GPC4: variants seen among roughly 807,000 people sequenced by gnomAD.
The protein encoded by GPC4 is glypican 4, also known as glypican-4.
GPC4 carries 10 observed loss-of-function variants against 35.0 expected under a neutral mutation model. The observed-to-expected ratio is 0.29, with a 90% CI of 0.18 to 0.48. The LOEUF (loss-of-function observed/expected upper bound fraction) is 0.48, where lower values mean the gene tolerates loss of function less well. Among genes scored for constraint, GPC4 ranks in the 20% least tolerant of loss-of-function variants. The pLI is 0.99. For synonymous variants in GPC4, 167 were observed against 170.2 expected (o/e 0.98, Z 0.15); for missense variants, 322 against 451.3 (o/e 0.71, Z 2.60).
intron 1 of GPC4, among the ~76,000 whole-genome samples, chrX:133,368,983 A>G (rs2068601308): frequency 9.0e-6 from 1 of 111,425 alleles, no homozygotes; most frequent in Admixed American, 9.6e-5. Context: ...TGGTTTCTTA[A>G]TTTTGTTCGC....
At chrX:133,349,229 A>G (rs1249532565) in intron 1 of GPC4, among the ~76,000 whole-genome samples, 1 of 112,104 alleles carries the variant, frequency 8.9e-6, no homozygotes, top group Non-Finnish European at 1.9e-5. Context: ...TGACTGCCCC[A>G]GTGGGCAGTC....
intron 1 of GPC4, among the ~76,000 whole-genome samples, chrX:133,375,472 C>A (rs1345424695): frequency 8.9e-6 from 1 of 112,072 alleles, no homozygotes; most frequent in Non-Finnish European, 1.9e-5. Context: ...AAGGTAAAAA[C>A]CATCAAAACT....
At chrX:133,329,734 A>T (rs1393952230) in intron 2 of GPC4, among the ~76,000 whole-genome samples, 1 of 111,793 alleles carries the variant, frequency 8.9e-6, no homozygotes, top group Non-Finnish European at 1.9e-5. Context: ...CTTTGCCAGA[A>T]GTCCACTTGG....
chrX:133,341,705 C>A (rs2068467535), intron 1 of GPC4, among the ~76,000 whole-genome samples: 1 of 111,067 alleles, frequency 9.0e-6, no homozygotes, highest in Non-Finnish European at 1.9e-5. Context: ...TGCGTACACA[C>A]ACACATACAC....
chrX:133,414,557 A>C lies in GPC4; in HGVS notation c.160+249T>G, dbSNP rs2068829336. On this transcript the variant is annotated intron_variant, in intron 1 of 8. Coordinates refer to ENST00000370828, the MANE Select transcript of GPC4 (RefSeq NM_001448.3). ...GCGGGGAGCGGAGCGCGACAGTCGC[A>C]CTGGGCAACCCGGCGGCGCCCCTCC... The C allele has an allele frequency of 4.0e-6, 3 of 753,507 alleles. No homozygotes were observed. The African/African-American group carries it at 6.9e-5, about 17-fold the overall frequency. 62.1% of individuals were successfully genotyped at this position (753,507 alleles called of 1,213,427 possible).
At chrX:133,327,636 AGTGTGTGTGTGTGTGTGTGTGTGT>A (rs557359106) in intron 2 of GPC4, among the ~76,000 whole-genome samples, 2 of 83,283 alleles carry the variant, frequency 2.4e-5, no homozygotes, top group Non-Finnish European at 4.7e-5. Context: ...TGTCCAGGAA[AGTGTGTGTGTGTGTGTGTGTGTGT>A]GTGTGTGTGT....
chrX:133,404,465 T>A (rs1489195575), intron 1 of GPC4, among the ~76,000 whole-genome samples: 1 of 100,664 alleles, frequency 9.9e-6, no homozygotes, highest in Admixed American at 1.1e-4. Context: ...AAGAATCGCT[T>A]GAACCCGGGA....
intron 6 of GPC4, 34 bp from the exon 7 acceptor site, chrX:133,304,895 ATTG>A: frequency 8.4e-7 from 1 of 1,195,361 alleles, no homozygotes; most frequent in Non-Finnish European, 1.1e-6. Flanking sequence ...AAAAAAGATC[ATTG>A]TAAGACAAGA....
chrX:133,388,742 T>C (rs2068704865), intron 1 of GPC4, among the ~76,000 whole-genome samples: 2 of 109,986 alleles, frequency 1.8e-5, no homozygotes, highest in Admixed American at 9.7e-5. Flanking sequence ...GACCTCGTGA[T>C]CCACCTGCCT....
intron 1 of GPC4, among the ~76,000 whole-genome samples, chrX:133,359,412 A>G (rs554361217): frequency 9.0e-6 from 1 of 111,167 alleles, no homozygotes; most frequent in African/African-American, 3.3e-5. Flanking sequence ...GGCAGAAGAA[A>G]AAGCAGTGGT....
At chrX:133,337,905 T>C (rs966760527) in intron 2 of GPC4, among the ~76,000 whole-genome samples, 3 of 110,231 alleles carry the variant, frequency 2.7e-5, no homozygotes, top group Non-Finnish European at 5.7e-5. Flanking sequence ...GATATACAGA[T>C]ATATAAATTG....
At chrX:133,358,656 CA>C (rs1378671286) in intron 1 of GPC4, among the ~76,000 whole-genome samples, 3 of 111,868 alleles carry the variant, frequency 2.7e-5, no homozygotes, top group African/African-American at 9.8e-5. Context: ...GAAGGGAGAA[CA>C]AAGATGGAAA....
intron 1 of GPC4, among the ~76,000 whole-genome samples, chrX:133,408,407 G>A (rs932271762): frequency 2.7e-5 from 3 of 112,164 alleles, no homozygotes; most frequent in Admixed American, 9.5e-5. Context: ...TTAAAGAAGT[G>A]TATCTCAAGG....
intron 1 of GPC4, among the ~76,000 whole-genome samples, chrX:133,408,740 A>T (rs909482463): frequency 2.6e-4 from 29 of 111,195 alleles, no homozygotes; most frequent in Admixed American, 2.6e-3. Context: ...TTCAAAAAAT[A>T]AAAAAAAATC....
At chrX:133,340,139 T>A (rs1351864390) in intron 1 of GPC4, among the ~76,000 whole-genome samples, 1 of 110,518 alleles carries the variant, frequency 9.0e-6, no homozygotes, top group Non-Finnish European at 1.9e-5. Flanking sequence ...CCACGAAGTA[T>A]CTCCCTCCCT....
chrX:133,399,739 G>A (rs779108747), intron 1 of GPC4, among the ~76,000 whole-genome samples: 6 of 112,384 alleles, frequency 5.3e-5, no homozygotes, highest in African/African-American at 1.3e-4. Flanking sequence ...GGTGGCTCAC[G>A]CCTGTAATCC....
intron 1 of GPC4, among the ~76,000 whole-genome samples, chrX:133,370,026 G>A (rs1340772061): frequency 1.8e-5 from 2 of 112,051 alleles, no homozygotes; most frequent in Admixed American, 1.9e-4. Flanking sequence ...AGATGGAGTG[G>A]AGGTGGGAGG....
chrX:133,334,327 G>T (rs1046456581), intron 2 of GPC4, among the ~76,000 whole-genome samples: 7 of 111,997 alleles, frequency 6.3e-5, no homozygotes, highest in African/African-American at 2.3e-4. Context: ...TAACTGCTTG[G>T]TTTACACTTG....
At chrX:133,414,540 C>G in intron 1 of GPC4, 1 of 752,905 alleles carries the variant, frequency 1.3e-6, no homozygotes, top group Non-Finnish European at 1.6e-6. Flanking sequence ...AGGCGGGGAG[C>G]GGAGCGCGAC....
Sources: gnomAD v4.1 joint callset for allele counts (sites outside exome capture counted in the v4.1 genomes callset) on GRCh38, gnomAD v4.1.1 for gene constraint, MANE v1.5 for transcripts, NCBI Gene and HGNC (gene_info 2026-07-23, HGNC 2026-07-21) for gene names.